ADCY2: variants seen among roughly 807,000 people sequenced by gnomAD.
ADCY2 encodes the protein adenylate cyclase 2.
Under a neutral mutation model 125.2 loss-of-function variants are expected in ADCY2, and 31 were observed. That is an observed-to-expected ratio of 0.25 (90% CI 0.19 to 0.33). The LOEUF (loss-of-function observed/expected upper bound fraction) is 0.33. Ranked by LOEUF, ADCY2 falls within the 10% of genes least tolerant of loss-of-function variation. ADCY2 has a pLI of 1.00. For missense variants in ADCY2, 904 were observed against 1,418.2 expected, an observed-to-expected ratio of 0.64 and a Z score of 5.82; for synonymous variants, 512 against 548.4, an observed-to-expected ratio of 0.93 and a Z score of 0.93.
chr5:7,770,672 G>A (rs1039329283), intron 17 of ADCY2, among the ~76,000 whole-genome samples: 23 of 152,168 alleles, frequency 1.5e-4, no homozygotes, highest in African/African-American at 5.1e-4. Flanking sequence ...CTGCTTTGGG[G>A]AATCCGAGGG....
chr5:7,490,603 C>T (rs1422627475), intron 2 of ADCY2, among the ~76,000 whole-genome samples: 1 of 152,080 alleles, frequency 6.6e-6, no homozygotes, highest in Non-Finnish European at 1.5e-5. Context: ...AGGTAATCAG[C>T]ACATGTATTT....
At chr5:7,467,549 C>G (rs996317339) in intron 2 of ADCY2, among the ~76,000 whole-genome samples, 1 of 152,224 alleles carries the variant, frequency 6.6e-6, no homozygotes, top group African/African-American at 2.4e-5. Context: ...TTTGAATCCT[C>G]AGATTTCTGC....
At chr5:7,659,547 C>G (rs1739454751) in intron 4 of ADCY2, among the ~76,000 whole-genome samples, 1 of 152,174 alleles carries the variant, frequency 6.6e-6, no homozygotes, top group Non-Finnish European at 1.5e-5. Flanking sequence ...AAACCCACAG[C>G]TCTGTGGTTT....
At chr5:7,787,477 C>G (rs1233264952) in intron 19 of ADCY2, among the ~76,000 whole-genome samples, 1 of 152,184 alleles carries the variant, frequency 6.6e-6, no homozygotes, top group Non-Finnish European at 1.5e-5. Context: ...AGGGTTAGGA[C>G]TTGGAACTAT....
chr5:7,643,861 A>G (rs1034661485), intron 4 of ADCY2, among the ~76,000 whole-genome samples: 1 of 151,782 alleles, frequency 6.6e-6, no homozygotes, highest in Non-Finnish European at 1.5e-5. Context: ...TAAAATAATA[A>G]TCACATTCCA....
intron 2 of ADCY2, among the ~76,000 whole-genome samples, chr5:7,502,103 C>T (rs1431171167): frequency 1.3e-5 from 2 of 152,114 alleles, no homozygotes; most frequent in Non-Finnish European, 2.9e-5. Context: ...TGATGTGTGC[C>T]TTGTGATTAC....
chr5:7,735,270 A>G (rs1742215601), intron 14 of ADCY2, among the ~76,000 whole-genome samples: 1 of 152,192 alleles, frequency 6.6e-6, no homozygotes, highest in Middle Eastern at 3.2e-3. Context: ...CATATCACCT[A>G]CAAATTAAGA....
intron 3 of ADCY2, among the ~76,000 whole-genome samples, chr5:7,532,792 G>A (rs1734693286): frequency 1.3e-5 from 2 of 151,966 alleles, no homozygotes; most frequent in African/African-American, 4.8e-5. Flanking sequence ...CTCCTCAATA[G>A]GTCATGTTGT....
At position 7,818,419 on chromosome 5, in the gene ADCY2, C is replaced by T. The variant is rs577916841; in HGVS notation, c.2998+1439C>T. ...TCACCCAGGCTGGAGTGCAGTGGCA[C>T]GATCTCAGTTCACTGCAACCTCCAC... On this transcript the variant is annotated intron_variant, in intron 23 of 24. Transcript: ENST00000338316. 4.5e-4 allele frequency among the ~76,000 whole-genome samples: 68 copies of T among 150,618 alleles called. 1 individual carries two copies. The South Asian group carries it at 0.011, about 23-fold the overall frequency.
chr5:7,727,272 C>T lies in ADCY2; in HGVS notation c.1871+11C>T, dbSNP rs772649924. 1.9e-6 allele frequency: 3 copies of T among 1,607,852 alleles called. No individual in the cohort carries two copies. In the South Asian group the frequency reaches 3.3e-5, roughly 18 times the overall value. ...TCTCGTGCTGCCAAAGTAAGTACTT[C>T]TGGTTTCCACTGGGATTCTCACCTG... On this transcript the variant is annotated intron_variant, in intron 14 of 24. Coordinates refer to ENST00000338316, the MANE Select transcript of ADCY2 (RefSeq NM_020546.3).
chr5:7,813,582 T>A (rs1274993652), intron 22 of ADCY2, among the ~76,000 whole-genome samples: 1 of 152,242 alleles, frequency 6.6e-6, no homozygotes, highest in Non-Finnish European at 1.5e-5. Context: ...TGCTTCATAC[T>A]GCCATCAGGT....
intron 22 of ADCY2, among the ~76,000 whole-genome samples, chr5:7,805,144 C>T (rs1462257869): frequency 1.4e-4 from 21 of 149,532 alleles, no homozygotes; most frequent in Admixed American, 1.3e-3. Context: ...AGTGAAACCC[C>T]GTCTTTACCA....
chr5:7,709,499 A>T lies in ADCY2; in HGVS notation c.1578+112A>T. 8.0e-7 allele frequency: 1 copy of T among 1,249,250 alleles called. No homozygotes were observed. Among genetic ancestry groups the T allele is most frequent in the Non-Finnish European group, 1.1e-6 (1 of 928,240 alleles). The allele number at this position is 1,249,250 out of a possible 1,614,324, so 77.4% of individuals were successfully genotyped here. On this transcript the variant is annotated intron_variant, in intron 10 of 24. Transcript: ENST00000338316. This position sits in a 1 kb window ranked among gnomAD's most constrained non-coding sequence, Gnocchi z 4.4. ...ACTCCTTTCTGTAAGAAACAAACTT[A>T]TCACCTTCTTCTTCTCAGAGAGGCC...
intron 16 of ADCY2, 143 bp downstream of exon 16, chr5:7,757,729 G>C: frequency 8.2e-7 from 1 of 1,219,558 alleles, no homozygotes; most frequent in Middle Eastern, 3.1e-4. Flanking sequence ...GCCCCGGGGT[G>C]AGTCAGGGCT....
intron 11 of ADCY2, among the ~76,000 whole-genome samples, chr5:7,713,183 G>C (rs1170131075): frequency 6.6e-6 from 1 of 151,948 alleles, no homozygotes. Context: ...AAAAAAAAAA[G>C]TGAATTGTCT....
chr5:7,731,912 C>G (rs2126410220), intron 14 of ADCY2, among the ~76,000 whole-genome samples: 1 of 152,288 alleles, frequency 6.6e-6, no homozygotes, highest in African/African-American at 2.4e-5. Flanking sequence ...GGAAATATCA[C>G]TTATTTTATT....
chr5:7,479,607 T>C (rs1742651917), intron 2 of ADCY2, among the ~76,000 whole-genome samples: 1 of 147,064 alleles, frequency 6.8e-6, no homozygotes, highest in Non-Finnish European at 1.5e-5. Context: ...TGTACTCTTA[T>C]AGTTATTTTA....
At chr5:7,740,350 A>G (rs1392762097) in intron 14 of ADCY2, among the ~76,000 whole-genome samples, 1 of 152,054 alleles carries the variant, frequency 6.6e-6, no homozygotes, top group Non-Finnish European at 1.5e-5. Flanking sequence ...ATAAAGCAGA[A>G]AGTGTTAAAA....
chr5:7,499,039 C>T (rs889820916), intron 2 of ADCY2, among the ~76,000 whole-genome samples: 5 of 152,180 alleles, frequency 3.3e-5, no homozygotes, highest in African/African-American at 4.8e-5. Flanking sequence ...GATGGAGTCC[C>T]GCTTTGTCTC....
Sources: allele counts gnomAD v4.1 joint callset (sites outside exome capture counted in the v4.1 genomes callset), GRCh38; gene constraint gnomAD v4.1.1; non-coding constraint Gnocchi (gnomAD v3.1); transcripts MANE v1.5; gene names NCBI Gene and HGNC (gene_info 2026-07-23, HGNC 2026-07-21).